SUMF1: variants seen among roughly 807,000 people sequenced by gnomAD.
The protein encoded by SUMF1 is sulfatase modifying factor 1, also known as formylglycine-generating enzyme.
Under a neutral mutation model 47.6 loss-of-function variants are expected in SUMF1, and 48 were observed. The ratio of observed to expected loss-of-function variants is 1.01; its 90% CI spans 0.80 to 1.28. The LOEUF (loss-of-function observed/expected upper bound fraction) is 1.28, where lower values mean the gene tolerates loss of function less well. Among genes scored for constraint, SUMF1 ranks in the 50% most tolerant of loss-of-function variants. The pLI is 0.00. For synonymous variants in SUMF1, 230 were observed against 192.1 expected, an observed-to-expected ratio of 1.20 and a Z score of -1.63; for missense variants, 571 against 485.4, an observed-to-expected ratio of 1.18 and a Z score of -1.66.
At position 4,198,859 on chromosome 3, in the gene SUMF1, T is replaced by C. The variant is rs113375028; in HGVS notation, c.1015-130114A>G. Among the ~76,000 whole-genome samples the C allele has an allele frequency of 7.6e-4, 116 of 152,126 alleles. 3 individuals are homozygous for C. The highest frequency in any genetic ancestry group is 2.7e-3 in the African/African-American group (112 of 41,510). ...TTTCAAGAACCACCATGAAGTATTC[T>C]GTCCAAAAAGAAAAAAAAAGAGTCT... On this transcript the variant is annotated intron_variant and NMD_transcript_variant, in intron 8 of 12. Coordinates refer to the SUMF1 transcript ENST00000448413.
In SUMF1 at chr3:4,287,083, A is replaced by G. The variant is rs563552380; in HGVS notation, c.1014+89247T>C. The stretch of plus-strand genomic sequence containing the variant: ...AGTGTATGTGTTTTCCAGAGGCTAC[A>G]TGACATCATGTTTCTCACAGCTAAT... On this transcript the variant is annotated intron_variant and NMD_transcript_variant, in intron 8 of 12. Transcript: ENST00000448413. Among the ~76,000 whole-genome samples the G allele has an allele frequency of 4.6e-5, 7 of 152,304 alleles. No individual in the cohort carries two copies. The East Asian group carries it at 1.4e-3, about 29-fold the overall frequency.
chr3:4,260,129 C>G (rs1697054169), intron 8 of SUMF1, among the ~76,000 whole-genome samples: 4 of 151,914 alleles, frequency 2.6e-5, no homozygotes. Context: ...ACTTCTAGAT[C>G]ATCAGGGTGA....
intron 1 of SUMF1, among the ~76,000 whole-genome samples, chr3:4,457,009 C>CGTGTGTGTACATATATATACGT (rs2079666040): frequency 4.6e-5 from 3 of 64,696 alleles, no homozygotes; most frequent in African/African-American, 7.5e-5. Context: ...TATATATATA[C>CGTGTGTGTACATATATATACGT]GTGTGTGTAC....
intron 8 of SUMF1, among the ~76,000 whole-genome samples, chr3:4,195,338 T>C (rs990352044): frequency 2.2e-4 from 34 of 152,114 alleles, no homozygotes; most frequent in Non-Finnish European, 1.3e-4. Context: ...CCAATTCCTG[T>C]ACATAAGCCA....
At chr3:4,078,804 G>A (rs1692495746) in intron 8 of SUMF1, among the ~76,000 whole-genome samples, 1 of 152,012 alleles carries the variant, frequency 6.6e-6, no homozygotes, top group Non-Finnish European at 1.5e-5. Flanking sequence ...TAGGTACTGT[G>A]GTTATCTCAT....
intron 8 of SUMF1, among the ~76,000 whole-genome samples, chr3:4,133,923 G>A (rs533680025): frequency 2.0e-5 from 3 of 152,002 alleles, no homozygotes; most frequent in Non-Finnish European, 4.4e-5. Context: ...AATTGGGATG[G>A]GAACACACGG....
At chr3:4,253,011 A>C (rs1696842124) in intron 8 of SUMF1, among the ~76,000 whole-genome samples, 1 of 152,206 alleles carries the variant, frequency 6.6e-6, no homozygotes, top group African/African-American at 2.4e-5. Context: ...GTTTATCACC[A>C]ATTACACTTT....
chr3:4,204,076 G>A (rs992259626), intron 8 of SUMF1, among the ~76,000 whole-genome samples: 1 of 151,978 alleles, frequency 6.6e-6, no homozygotes, highest in African/African-American at 2.4e-5. Context: ...TTATCCATGA[G>A]TTTTGTGCCT....
intron 8 of SUMF1, among the ~76,000 whole-genome samples, chr3:4,282,054 T>A (rs1697540466): frequency 1.3e-5 from 2 of 152,174 alleles, no homozygotes; most frequent in Non-Finnish European, 2.9e-5. Context: ...ACATGACTGA[T>A]TTGTCATTAT....
intron 8 of SUMF1, among the ~76,000 whole-genome samples, chr3:4,133,164 C>T (rs567385002): frequency 2.0e-5 from 3 of 152,240 alleles, no homozygotes; most frequent in African/African-American, 7.2e-5. Context: ...CATGTATACA[C>T]TTGTACTAAG....
At chr3:4,099,372 T>C (rs1692980065) in intron 8 of SUMF1, among the ~76,000 whole-genome samples, 1 of 152,134 alleles carries the variant, frequency 6.6e-6, no homozygotes, top group Non-Finnish European at 1.5e-5. Context: ...TACGATCATC[T>C]CAATAGATGC....
At chr3:4,313,779 T>A in intron 8 of SUMF1, 1 of 1,613,712 alleles carries the variant, frequency 6.2e-7, no homozygotes, top group Non-Finnish European at 8.5e-7. Context: ...TGTTCAGTGA[T>A]AAGCAGCTTG....
intron 8 of SUMF1, among the ~76,000 whole-genome samples, chr3:4,162,638 C>T (rs1364008944): frequency 1.3e-5 from 2 of 152,164 alleles, no homozygotes; most frequent in African/African-American, 4.8e-5. Context: ...TGTCCTCCCA[C>T]AAGCATACAT....
chr3:4,172,338 G>T (rs765204399), intron 8 of SUMF1, among the ~76,000 whole-genome samples: 2 of 152,108 alleles, frequency 1.3e-5, no homozygotes, highest in Non-Finnish European at 2.9e-5. Flanking sequence ...TGATAAGCTT[G>T]ATTTTAGACA....
Position 4,243,088 on chromosome 3 carries a change from T to A in SUMF1, c.1014+133242A>T, listed in dbSNP as rs144082620. Reference sequence around the variant, plus strand: ...GTATTCTCTGATGGTAGTTTGTATTTCTGTGGGATTGATGGTGATATGCCG... The same window carrying A: ...GTATTCTCTGATGGTAGTTTGTATTACTGTGGGATTGATGGTGATATGCCG... On this transcript the variant is annotated intron_variant and NMD_transcript_variant, in intron 8 of 12. Transcript: ENST00000448413. Among the ~76,000 whole-genome samples, 402 of 152,316 alleles carry A rather than the reference T, an allele frequency of 2.6e-3. 2 individuals are homozygous for A. The highest frequency in any genetic ancestry group is 9.2e-3 in the African/African-American group (384 of 41,580).
intron 8 of SUMF1, among the ~76,000 whole-genome samples, chr3:4,204,828 A>AT (rs34086119): frequency 4.6e-5 from 7 of 151,172 alleles, no homozygotes; most frequent in Non-Finnish European, 8.9e-5. Flanking sequence ...TCTCTGCTTG[A>AT]TTTTTTTTAT....
intron 9 of SUMF1, among the ~76,000 whole-genome samples, chr3:4,043,751 T>C (rs527368593): frequency 1.3e-5 from 2 of 152,332 alleles, no homozygotes; most frequent in East Asian, 1.9e-4. Context: ...ATGAAAACAC[T>C]CTTTGAATAC....
rs190036454 is a variant in SUMF1 at position 4,321,824 on chromosome 3, A to C, written c.1014+54506T>G. On this transcript the variant is annotated intron_variant and NMD_transcript_variant, in intron 8 of 12. Transcript: ENST00000448413. ...CTTCCTCCCAAAGAGTGTAGAATGG[A>C]AAGTTGAGGGTGGAGGAAAGGGAGG... Among the ~76,000 whole-genome samples the C allele has an allele frequency of 9.2e-5, 14 of 152,182 alleles. No individual in the cohort carries two copies. The East Asian group carries it at 1.9e-3, about 21-fold the overall frequency.
At chr3:4,416,540 G>A (rs1023547066) in intron 6 of SUMF1, among the ~76,000 whole-genome samples, 2 of 152,206 alleles carry the variant, frequency 1.3e-5, no homozygotes, top group East Asian at 1.9e-4. Context: ...TGGCAAATAC[G>A]GTAGTTAAGA....
Sources: allele counts gnomAD v4.1 joint callset (sites outside exome capture counted in the v4.1 genomes callset), GRCh38; gene constraint gnomAD v4.1.1; transcripts MANE v1.5; gene names NCBI Gene and HGNC (gene_info 2026-07-23, HGNC 2026-07-21).